Variants in MACIR observed in about 807,000 individuals in gnomAD.
MACIR encodes the protein macrophage immunometabolism regulator, also known as UNC119-binding protein C5orf30.
Under a neutral mutation model 14.3 loss-of-function variants are expected in MACIR, and 4 were observed. That is an observed-to-expected ratio of 0.28 (90% CI 0.14 to 0.64). The LOEUF (loss-of-function observed/expected upper bound fraction) is 0.64. MACIR is among the 30% of genes least tolerant of loss of function. The pLI is 0.83. For synonymous variants in MACIR, 101 were observed against 102.4 expected, an observed-to-expected ratio of 0.99 and a Z score of 0.08; for missense variants, 228 against 257.6, an observed-to-expected ratio of 0.89 and a Z score of 0.79.
chr5:103,276,717 T>TG lies in MACIR; in HGVS notation c.*186dup, dbSNP rs141793526. 1.4e-3 allele frequency: 731 copies of TG among 510,716 alleles called. 3 individuals are homozygous for TG. Among genetic ancestry groups the TG allele is most frequent in the South Asian group, 5.3e-3 (114 of 21,380 alleles). 31.6% of individuals were successfully genotyped at this position (510,716 alleles called of 1,614,324 possible). A position where few individuals can be genotyped will look rare whatever the true frequency, so the allele number is the denominator to read the frequency against. On this transcript the variant is annotated 3_prime_UTR_variant, in exon 3 of 3. Transcript: ENST00000319933. ...ATACAGGAATGAAATCACAGGTACT[T>TG]GGGGGGGGGATATCATTCTAGAGCA...
intron 1 of MACIR, among the ~76,000 whole-genome samples, chr5:103,264,489 A>G (rs1264040324): frequency 6.6e-6 from 1 of 152,144 alleles, no homozygotes; most frequent in Non-Finnish European, 1.5e-5. Context: ...TCTTTGGGAT[A>G]ATTATATTAA....
intron 2 of MACIR, among the ~76,000 whole-genome samples, chr5:103,274,449 G>A (rs931720086): frequency 1.3e-5 from 2 of 151,524 alleles, no homozygotes; most frequent in East Asian, 3.9e-4. Context: ...AGAGTATTTT[G>A]GTGAAATAAA....
chr5:103,270,368 G>GTAATC (rs1476914970), intron 2 of MACIR, among the ~76,000 whole-genome samples: 2 of 152,136 alleles, frequency 1.3e-5, no homozygotes, highest in East Asian at 3.9e-4. Context: ...GTAGAAAGAA[G>GTAATC]TAATCACTCA....
intron 2 of MACIR, among the ~76,000 whole-genome samples, chr5:103,272,059 G>T (rs1805150764): frequency 6.6e-6 from 1 of 152,130 alleles, no homozygotes; most frequent in African/African-American, 2.4e-5. Context: ...TAATTTGTGA[G>T]AGTGCTTTGT....
At chr5:103,273,571 T>A (rs1195973336) in intron 2 of MACIR, among the ~76,000 whole-genome samples, 1 of 152,198 alleles carries the variant, frequency 6.6e-6, no homozygotes, top group Non-Finnish European at 1.5e-5. Context: ...CCCCCAAGGA[T>A]TCTCAGAATT....
intron 2 of MACIR, among the ~76,000 whole-genome samples, chr5:103,274,221 A>G (rs1226965973): frequency 6.6e-6 from 1 of 152,126 alleles, no homozygotes; most frequent in African/African-American, 2.4e-5. Flanking sequence ...TTTAGCATAA[A>G]AATTTGTTGA....
intron 1 of MACIR, among the ~76,000 whole-genome samples, chr5:103,260,221 CTT>C (rs797038831): frequency 4.3e-5 from 6 of 139,064 alleles, no homozygotes; most frequent in Admixed American, 7.2e-5. Context: ...ACTCATTTTC[CTT>C]TTTTTTTTTT....
chr5:103,269,095 C>T (rs531676362), intron 2 of MACIR, among the ~76,000 whole-genome samples: 6 of 152,150 alleles, frequency 3.9e-5, no homozygotes, highest in African/African-American at 1.4e-4. Context: ...TATGTCCCAG[C>T]TACTTGGGAG....
chr5:103,268,588 T>C (rs1346830259), intron 2 of MACIR, among the ~76,000 whole-genome samples: 1 of 152,182 alleles, frequency 6.6e-6, no homozygotes, highest in Non-Finnish European at 1.5e-5. Context: ...ATCTGACAAG[T>C]TCCCAAACCT....
At chr5:103,271,917 A>G (rs967308621) in intron 2 of MACIR, among the ~76,000 whole-genome samples, 21 of 152,182 alleles carry the variant, frequency 1.4e-4, no homozygotes, top group African/African-American at 4.6e-4. Flanking sequence ...GAAGCAAGAA[A>G]GGTATCTTTG....
At position 103,276,833 on chromosome 5, in the gene MACIR, A is replaced by C. The variant is rs1805356096; in HGVS notation, c.*293A>C. 2.0e-5 allele frequency: 5 copies of C among 247,810 alleles called. No homozygotes were observed. The highest frequency in any genetic ancestry group is 4.1e-5 in the Non-Finnish European group (5 of 120,586). The allele number at this position is 247,810 out of a possible 1,614,324, so 15.4% of individuals were successfully genotyped here. ...GCTTTGGTACAGTAATTTCATCTTT[A>C]TGATTCTGACACTCAAATTGGGAAT... On this transcript the variant is annotated 3_prime_UTR_variant, in exon 3 of 3. Transcript: ENST00000319933.
chr5:103,276,054 G>A lies in MACIR; in HGVS notation c.135G>A (p.Arg45=). 1 of 1,614,088 alleles carries A rather than the reference G, an allele frequency of 6.2e-7. No individual in the cohort carries two copies. The highest frequency in any genetic ancestry group is 1.6e-4 in the Middle Eastern group (1 of 6,062). ...RCSSTPCSPM[R]RTVSGYQILH... Reference sequence around the variant, plus strand: ...CCAGCACACCCTGCTCCCCGATGCGGAGGACCGTGTCAGGCTACCAGATCC... The same window carrying A: ...CCAGCACACCCTGCTCCCCGATGCGAAGGACCGTGTCAGGCTACCAGATCC... Residue 45 remains arginine (R), a synonymous_variant, in exon 3 of 3, where the codon CGG becomes CGA. Coordinates refer to ENST00000319933, the MANE Select transcript of MACIR (RefSeq NM_033211.4).
rs1180384914 is a variant in MACIR, at chr5:103,276,721, G to C, written c.*181G>C. On this transcript the variant is annotated 3_prime_UTR_variant, in exon 3 of 3. Coordinates refer to ENST00000319933, the MANE Select transcript of MACIR (RefSeq NM_033211.4). Reference sequence around the variant, plus strand: ...AGGAATGAAATCACAGGTACTTGGGGGGGGGATATCATTCTAGAGCACGCA... The same window carrying C: ...AGGAATGAAATCACAGGTACTTGGGCGGGGGATATCATTCTAGAGCACGCA... 3.1e-5 allele frequency: 16 copies of C among 516,392 alleles called. No homozygotes were observed. In the South Asian group the frequency reaches 4.7e-4, roughly 15 times the overall value. The allele number at this position is 516,392 out of a possible 1,614,324, so 32.0% of individuals were successfully genotyped here.
chr5:103,269,958 G>C (rs1214284375), intron 2 of MACIR, among the ~76,000 whole-genome samples: 1 of 152,180 alleles, frequency 6.6e-6, no homozygotes, highest in African/African-American at 2.4e-5. Flanking sequence ...AGGTATCTAA[G>C]TGTTTTAAGT....
Position 103,276,659 on chromosome 5 carries a change from C to T in MACIR, c.*119C>T. 1 of 943,622 alleles carries T rather than the reference C, an allele frequency of 1.1e-6. No individual in the cohort carries two copies. Among genetic ancestry groups the T allele is most frequent in the Non-Finnish European group, 1.5e-6 (1 of 658,230 alleles). 58.5% of individuals were successfully genotyped at this position (943,622 alleles called of 1,614,324 possible). A position where few individuals can be genotyped will look rare whatever the true frequency, so the allele number is the denominator to read the frequency against. On this transcript the variant is annotated 3_prime_UTR_variant, in exon 3 of 3. Transcript: ENST00000319933. ...AGATGGTTATATCAGCTAAGTGTTCCTGGAACATAAAAATTGTTTGGGTCA... is the reference window on the plus strand; with the variant it reads ...AGATGGTTATATCAGCTAAGTGTTCTTGGAACATAAAAATTGTTTGGGTCA...
In MACIR at chr5:103,276,561, A is replaced by G. The variant is rs201521173; in HGVS notation, c.*21A>G. 39 of 1,588,524 alleles carry G rather than the reference A, an allele frequency of 2.5e-5. No homozygotes were observed. Among genetic ancestry groups the G allele is most frequent in the Non-Finnish European group, 3.2e-5 (37 of 1,168,978 alleles). On this transcript the variant is annotated 3_prime_UTR_variant, in exon 3 of 3. Transcript: ENST00000319933. ...CATGAATGACTTGGAGAGAGCTTAA[A>G]CCAATTTAGGTCAGCCTACGCTTGG... is the stretch of plus-strand genomic sequence containing the variant.
At position 103,276,934 on chromosome 5, in the gene MACIR, ATC is replaced by A. The variant is rs1291993533; in HGVS notation, c.*398_*399del. Reference sequence around the variant, plus strand: ...TCTTCAGTACTCAAGTACTTCTTGAATCTCTGTATTTTACTATAAAATGTATG... The same window carrying A: ...TCTTCAGTACTCAAGTACTTCTTGAATCTGTATTTTACTATAAAATGTATG... On this transcript the variant is annotated 3_prime_UTR_variant, in exon 3 of 3. Transcript: ENST00000319933. 2 of 171,844 alleles carry A rather than the reference ATC, an allele frequency of 1.2e-5. No individual in the cohort carries two copies. Among genetic ancestry groups the A allele is most frequent in the Non-Finnish European group, 2.8e-5 (2 of 71,468 alleles). The allele number at this position is 171,844 out of a possible 1,614,324, so 10.6% of individuals were successfully genotyped here.
chr5:103,261,713 T>TCTTTCTTTCTTTCTTTCTTC (rs1562545943), intron 1 of MACIR, among the ~76,000 whole-genome samples: 4 of 145,734 alleles, frequency 2.7e-5, no homozygotes, highest in African/African-American at 1.0e-4. Flanking sequence ...TTCCTTTCTT[T>TCTTTCTTTCTTTCTTTCTTC]CTTTCTTTCT....
Position 103,276,018 on chromosome 5 carries a change from G to A in MACIR, c.99G>A (p.Lys33=), listed in dbSNP as rs1439315155. ...CCCCGGGAAAGGCGGAGGCAGAGAA[G>A]CCCCGCTGCTCCAGCACACCCTGCT... ...ANSPGKAEAE[K]PRCSSTPCSP... is the part of the protein sequence containing the mutation. The change falls in exon 3 of 3, where the codon AAG becomes AAA. Residue 33 remains lysine (K), a synonymous_variant. Coordinates refer to ENST00000319933, the MANE Select transcript of MACIR (RefSeq NM_033211.4). 6.2e-7 allele frequency: 1 copy of A among 1,614,014 alleles called. No individual in the cohort carries two copies. Among genetic ancestry groups the A allele is most frequent in the African/African-American group, 1.3e-5 (1 of 74,906 alleles).
Sources: allele counts gnomAD v4.1 joint callset (sites outside exome capture counted in the v4.1 genomes callset), GRCh38; gene constraint gnomAD v4.1.1; transcripts MANE v1.5; gene names NCBI Gene and HGNC (gene_info 2026-07-23, HGNC 2026-07-21).